CNTNAP2: variants seen among roughly 807,000 people sequenced by gnomAD.
The protein encoded by CNTNAP2 is contactin associated protein 2, also known as contactin-associated protein-like 2.
A neutral mutation model predicts 155.2 loss-of-function variants in CNTNAP2; 98 were observed. The observed-to-expected ratio is 0.63, with a 90% confidence interval of 0.54 to 0.75. The LOEUF (loss-of-function observed/expected upper bound fraction) is 0.75. Among genes scored for constraint, CNTNAP2 ranks in the 30% least tolerant of loss-of-function variants. The pLI is 0.00. For missense variants in CNTNAP2, 1,727 were observed against 1,688.1 expected, an observed-to-expected ratio of 1.02 and a Z score of -0.40; for synonymous variants, 651 against 631.2, an observed-to-expected ratio of 1.03 and a Z score of -0.47.
chr7:147,941,430 C>G lies in CNTNAP2; in HGVS notation c.2256-36432C>G, dbSNP rs111235578. Among the ~76,000 whole-genome samples the G allele has an allele frequency of 7.8e-3, 1,183 of 152,236 alleles. 16 individuals are homozygous for G. Among genetic ancestry groups the G allele is most frequent in the African/African-American group, 0.027 (1,140 of 41,536 alleles). ...AGGTCTCCTTCCTCTCCTGCCAGCC[C>G]TAAAATAATATTGGTAACACACACA... is the stretch of plus-strand genomic sequence containing the variant. On this transcript the variant is annotated intron_variant, in intron 14 of 23. Transcript: ENST00000361727.
intron 15 of CNTNAP2, among the ~76,000 whole-genome samples, chr7:147,983,638 T>C (rs2116873083): frequency 1.3e-5 from 2 of 152,312 alleles, no homozygotes. Context: ...AGGTATACAT[T>C]GGTTTAGTCT....
rs1795954688 is a variant in CNTNAP2, at chr7:146,417,544, TTTAC to T, written c.97+300576_97+300579del. On this transcript the variant is annotated intron_variant, in intron 1 of 23. Coordinates refer to ENST00000361727, the MANE Select transcript of CNTNAP2 (RefSeq NM_014141.6). ...TTGGTCTGAAGTCAAATATAGACTG[TTTAC>T]TTACCATTGGAGTTATCTTCTTCTT... 2.0e-5 allele frequency among the ~76,000 whole-genome samples: 3 copies of T among 152,162 alleles called. No homozygotes were observed. The South Asian group carries it at 6.2e-4, about 32-fold the overall frequency.
chr7:148,064,180 T>C (rs893584765), intron 15 of CNTNAP2, among the ~76,000 whole-genome samples: 1 of 152,170 alleles, frequency 6.6e-6, no homozygotes, highest in South Asian at 2.1e-4. Flanking sequence ...TCCAGATTTG[T>C]TATTTTTGCT....
chr7:148,369,383 G>A (rs974135502), intron 21 of CNTNAP2, among the ~76,000 whole-genome samples: 17 of 150,656 alleles, frequency 1.1e-4, no homozygotes, highest in Non-Finnish European at 1.5e-4. Context: ...CACTACACCC[G>A]GCTAATTTGT....
At chr7:146,259,152 G>T (rs577513542) in intron 1 of CNTNAP2, among the ~76,000 whole-genome samples, 25 of 152,294 alleles carry the variant, frequency 1.6e-4, no homozygotes, top group East Asian at 3.9e-4. Flanking sequence ...TACTGTGATT[G>T]TAAGTTTCCT....
Position 146,405,916 on chromosome 7 carries a change from G to A in CNTNAP2, c.97+288943G>A, listed in dbSNP as rs1033520989. ...CTTCTTTTGTCACGATGACAACTGG[G>A]AGCAAATAATATTTAAAGCATGAGT... On this transcript the variant is annotated intron_variant, in intron 1 of 23. Coordinates refer to ENST00000361727, the MANE Select transcript of CNTNAP2 (RefSeq NM_014141.6). Among the ~76,000 whole-genome samples the A allele has an allele frequency of 5.9e-5, 9 of 152,296 alleles. No homozygotes were observed. The South Asian group carries it at 1.5e-3, about 25-fold the overall frequency.
intron 3 of CNTNAP2, among the ~76,000 whole-genome samples, chr7:147,012,633 T>G (rs1057461050): frequency 2.0e-5 from 3 of 152,174 alleles, no homozygotes; most frequent in African/African-American, 7.2e-5. Context: ...AGTTGATCAG[T>G]ATGAAACTTG....
In CNTNAP2 at chr7:146,246,078, G is replaced by A. The variant is rs191916189; in HGVS notation, c.97+129105G>A. Among the ~76,000 whole-genome samples the A allele has an allele frequency of 3.9e-3, 590 of 152,010 alleles. 5 individuals are homozygous for A. In the East Asian group the frequency reaches 0.064, roughly 17 times the overall value. ...GGCTTTAAAAGGCCATGCTGTAGCA[G>A]GCAAGTGATAGCAGGCTTTAATCCT... On this transcript the variant is annotated intron_variant, in intron 1 of 23. Transcript: ENST00000361727.
In CNTNAP2 at chr7:148,385,306, T is replaced by A. The variant is rs148677762; in HGVS notation, c.3715+1418T>A. ...AAGGGCACGTATGAAGAATTCCCTT[T>A]TATGAATGTTGTTAAGATTACACAG... is the stretch of plus-strand genomic sequence containing the variant. On this transcript the variant is annotated intron_variant, in intron 22 of 23. Transcript: ENST00000361727. Among the ~76,000 whole-genome samples, 3 of 152,350 alleles carry A rather than the reference T, an allele frequency of 2.0e-5. No homozygotes were observed. In the East Asian group the frequency reaches 5.8e-4, roughly 29 times the overall value.
At chr7:147,324,466 T>G (rs962955653) in intron 9 of CNTNAP2, among the ~76,000 whole-genome samples, 5 of 152,216 alleles carry the variant, frequency 3.3e-5, no homozygotes, top group Non-Finnish European at 5.9e-5. Context: ...TTCAGCCTTA[T>G]GTTTTCATCT....
At chr7:146,562,821 CAATT>C (rs1235935954) in intron 1 of CNTNAP2, among the ~76,000 whole-genome samples, 3 of 152,006 alleles carry the variant, frequency 2.0e-5, no homozygotes, top group Admixed American at 6.6e-5. Context: ...ACAATTCAAT[CAATT>C]GATTGAAACT....
chr7:147,245,761 C>CAA (rs34304342), intron 8 of CNTNAP2, among the ~76,000 whole-genome samples: 36,538 of 84,912 alleles, frequency 0.43, 8,563 homozygotes, highest in East Asian at 0.71. Context: ...GACTCTGTCT[C>CAA]AAAAAAAAAA....
At chr7:147,299,872 C>G (rs1464708450) in intron 8 of CNTNAP2, among the ~76,000 whole-genome samples, 1 of 152,058 alleles carries the variant, frequency 6.6e-6, no homozygotes, top group Non-Finnish European at 1.5e-5. Flanking sequence ...GACTTTTTTT[C>G]AATCCATTTC....
chr7:147,354,942 A>G (rs7797201), intron 9 of CNTNAP2, among the ~76,000 whole-genome samples: 34,670 of 151,868 alleles, frequency 0.23, 4,350 homozygotes, highest in Non-Finnish European at 0.28. Flanking sequence ...CTGATTGTCT[A>G]TTATTGGTAT....
Position 147,962,238 on chromosome 7 carries a change from T to G in CNTNAP2, c.2256-15624T>G, listed in dbSNP as rs574454204. Among the ~76,000 whole-genome samples the G allele has an allele frequency of 3.3e-4, 51 of 152,254 alleles. 2 individuals carry two copies. The highest frequency in any genetic ancestry group is 3.2e-3 in the Middle Eastern group (1 of 316). On this transcript the variant is annotated intron_variant, in intron 14 of 23. Transcript: ENST00000361727. Reference sequence around the variant, plus strand: ...AAAATGATAACAAGTTTATGAGTACTTTTTCAAGTCAGTTTGCAGATACAA... The same window carrying G: ...AAAATGATAACAAGTTTATGAGTACGTTTTCAAGTCAGTTTGCAGATACAA...
chr7:148,100,432 C>T (rs1384307263), intron 15 of CNTNAP2, among the ~76,000 whole-genome samples: 3 of 152,296 alleles, frequency 2.0e-5, no homozygotes, highest in Admixed American at 6.5e-5. Context: ...TATGCATATG[C>T]GTGTATGTGC....
intron 1 of CNTNAP2, among the ~76,000 whole-genome samples, chr7:146,393,606 A>G (rs899693667): frequency 2.0e-5 from 3 of 152,124 alleles, no homozygotes; most frequent in Non-Finnish European, 4.4e-5. Flanking sequence ...TCAAGTTACT[A>G]TAGGATGGGT....
chr7:146,245,475 C>G (rs1584823750), intron 1 of CNTNAP2, among the ~76,000 whole-genome samples: 1 of 152,162 alleles, frequency 6.6e-6, no homozygotes, highest in African/African-American at 2.4e-5. Flanking sequence ...CCGCTGCACG[C>G]AGACATGACG....
At chr7:146,819,350 T>G (rs566861939) in intron 2 of CNTNAP2, among the ~76,000 whole-genome samples, 1 of 152,258 alleles carries the variant, frequency 6.6e-6, no homozygotes, top group East Asian at 1.9e-4. Flanking sequence ...CTATTTTTAC[T>G]TGAAAAGAGT....
Sources: gnomAD v4.1 joint callset for allele counts (sites outside exome capture counted in the v4.1 genomes callset) on GRCh38, gnomAD v4.1.1 for gene constraint, MANE v1.5 for transcripts, NCBI Gene and HGNC (gene_info 2026-07-23, HGNC 2026-07-21) for gene names.